The following RAD51B variants were observed in gnomAD, a reference collection of about 807,000 sequenced individuals.
The protein encoded by RAD51B is RAD51 paralog B, also known as DNA repair protein RAD51 homolog 2.
RAD51B carries 38 observed loss-of-function variants against 42.2 expected under a neutral mutation model. The ratio of observed to expected loss-of-function variants is 0.90; its 90% CI spans 0.70 to 1.18. The LOEUF (loss-of-function observed/expected upper bound fraction) is 1.18, where lower values mean the gene tolerates loss of function less well. Ranked by LOEUF, RAD51B falls within the 50% of genes most tolerant of loss-of-function variation. The pLI is 0.00. For missense variants in RAD51B, 373 were observed against 400.7 expected (o/e 0.93, Z 0.59); for synonymous variants, 154 against 145.2 (o/e 1.06, Z -0.43).
At chr14:68,558,920 G>A (rs1184197267) in intron 10 of RAD51B, among the ~76,000 whole-genome samples, 1 of 152,012 alleles carries the variant, frequency 6.6e-6, no homozygotes, top group African/African-American at 2.4e-5. Flanking sequence ...GAATCCTTGG[G>A]TGACTCCGTA....
intron 10 of RAD51B, among the ~76,000 whole-genome samples, chr14:68,574,838 G>C (rs1284771498): frequency 1.3e-5 from 2 of 152,180 alleles, no homozygotes; most frequent in Non-Finnish European, 2.9e-5. Context: ...TCAGAGAAGG[G>C]GGAAAGCCTG....
chr14:68,535,880 A>G (rs1317363404), intron 10 of RAD51B, among the ~76,000 whole-genome samples: 1 of 152,182 alleles, frequency 6.6e-6, no homozygotes, highest in South Asian at 2.1e-4. Context: ...ACCAGAGATC[A>G]GGACCCACAG....
At position 68,270,699 on chromosome 14, in the gene RAD51B, A is replaced by C. The variant is rs1250523517; in HGVS notation, c.757-21185A>C. On this transcript the variant is annotated intron_variant, in intron 7 of 10. Transcript: ENST00000471583. ...GGAAACGCCACTGACTTTGGGAGCT[A>C]ATTCTTGATAGGTAAAATATTTAGC... 6.6e-5 allele frequency among the ~76,000 whole-genome samples: 10 copies of C among 152,212 alleles called. 1 individual carries two copies. The highest frequency in any genetic ancestry group is 3.9e-4 in the Admixed American group (6 of 15,290).
intron 10 of RAD51B, chr14:68,470,860 G>A (rs745518151): frequency 2.5e-5 from 9 of 364,204 alleles, no homozygotes; most frequent in Non-Finnish European, 4.1e-5. Context: ...GATCCTCCTA[G>A]GAGAGGATGT....
chr14:68,145,544 C>T (rs1005169146), intron 7 of RAD51B, among the ~76,000 whole-genome samples: 10 of 152,112 alleles, frequency 6.6e-5, no homozygotes, highest in Admixed American at 5.2e-4. Flanking sequence ...ATCTGCTGTT[C>T]ACAGAAAAAT....
At chr14:68,185,433 A>G (rs1741758140) in intron 7 of RAD51B, among the ~76,000 whole-genome samples, 1 of 152,216 alleles carries the variant, frequency 6.6e-6, no homozygotes, top group African/African-American at 2.4e-5. Flanking sequence ...TATTTGTCGC[A>G]AAGACAATAA....
At chr14:68,664,714 G>A (rs1036285295) in intron 11 of RAD51B, among the ~76,000 whole-genome samples, 2 of 152,098 alleles carry the variant, frequency 1.3e-5, no homozygotes, top group African/African-American at 4.8e-5. Flanking sequence ...GTGCTTATTT[G>A]CTGCTCCAAC....
At chr14:68,527,941 A>C (rs895630059) in intron 10 of RAD51B, among the ~76,000 whole-genome samples, 1 of 152,244 alleles carries the variant, frequency 6.6e-6, no homozygotes, top group Non-Finnish European at 1.5e-5. Context: ...TACTCTTTCA[A>C]ATTTTCCAAA....
At chr14:68,029,735 T>C (rs1202240422) in intron 7 of RAD51B, among the ~76,000 whole-genome samples, 5 of 152,238 alleles carry the variant, frequency 3.3e-5, no homozygotes, top group Non-Finnish European at 7.3e-5. Context: ...GAATAGCATC[T>C]AGAATGGTGA....
intron 8 of RAD51B, among the ~76,000 whole-genome samples, chr14:68,367,641 A>G (rs572592317): frequency 2.0e-5 from 3 of 152,226 alleles, no homozygotes; most frequent in Non-Finnish European, 4.4e-5. Flanking sequence ...TCGACAGCAC[A>G]GGAAAATAAA....
At chr14:68,327,441 CCTT>C (rs914407906) in intron 8 of RAD51B, among the ~76,000 whole-genome samples, 3 of 150,100 alleles carry the variant, frequency 2.0e-5, no homozygotes, top group African/African-American at 7.4e-5. Flanking sequence ...ACTGCTTTCT[CCTT>C]CTACGCTTAG....
At chr14:67,919,892 G>C (rs2877369) in intron 7 of RAD51B, among the ~76,000 whole-genome samples, 41,889 of 152,074 alleles carry the variant, frequency 0.28, 7,530 homozygotes, top group African/African-American at 0.51. Flanking sequence ...AACTGGCAAA[G>C]CAAGAGCTTG....
intron 8 of RAD51B, among the ~76,000 whole-genome samples, chr14:68,323,547 T>A (rs1435172452): frequency 6.6e-6 from 1 of 152,094 alleles, no homozygotes; most frequent in Non-Finnish European, 1.5e-5. Flanking sequence ...ATCCTAACAC[T>A]TTGAGAGGCC....
intron 7 of RAD51B, among the ~76,000 whole-genome samples, chr14:67,918,491 T>G (rs1393668492): frequency 6.6e-6 from 1 of 152,164 alleles, no homozygotes; most frequent in Non-Finnish European, 1.5e-5. Context: ...TGCCTCGGCC[T>G]CCCAAAATGC....
chr14:68,537,498 CA>C (rs34728022), intron 10 of RAD51B, among the ~76,000 whole-genome samples: 26 of 145,634 alleles, frequency 1.8e-4, no homozygotes, highest in Non-Finnish European at 1.7e-4. Flanking sequence ...GATTTCGTCT[CA>C]AAAAAAAAAA....
At chr14:68,366,179 A>G (rs1364480741) in intron 8 of RAD51B, among the ~76,000 whole-genome samples, 5 of 152,236 alleles carry the variant, frequency 3.3e-5, no homozygotes, top group African/African-American at 1.2e-4. Flanking sequence ...GAAATAAATT[A>G]ACATGTTGCC....
chr14:68,515,641 C>A (rs2140320624), intron 10 of RAD51B, among the ~76,000 whole-genome samples: 1 of 150,632 alleles, frequency 6.6e-6, no homozygotes, highest in African/African-American at 2.4e-5. Context: ...GAGATGGGGT[C>A]TCGCTATGTT....
At chr14:67,847,589 G>A (rs2041663858) in intron 4 of RAD51B, among the ~76,000 whole-genome samples, 1 of 152,084 alleles carries the variant, frequency 6.6e-6, no homozygotes, top group Non-Finnish European at 1.5e-5. Context: ...GCGTAGTTTT[G>A]AGAGATCTTC....
chr14:67,835,183 G>A lies in RAD51B; in HGVS notation c.302G>A (p.Gly101Glu). The A allele has an allele frequency of 6.2e-7, 1 of 1,613,210 alleles. No homozygotes were observed. The highest frequency in any genetic ancestry group is 1.3e-5 in the African/African-American group (1 of 74,982). Residue 101 changes from glycine (G) to glutamate (E), a missense_variant, in exon 4 of 11, where the codon GGA (glycine) becomes GAA (glutamate). Physicochemically the swap from Gly to Glu is moderately conservative, Grantham distance 98. Coordinates refer to ENST00000471583, the MANE Select transcript of RAD51B (RefSeq NM_133510.4). ...DEALHGGVAC[G>E]SLTEITGPPG... ...GCCCTGCATGGTGGTGTGGCTTGTG[G>A]ATCCCTCACAGAGGTAAAGGAAAAA...
Sources: gnomAD v4.1 joint callset for allele counts (sites outside exome capture counted in the v4.1 genomes callset) on GRCh38, gnomAD v4.1.1 for gene constraint, MANE v1.5 for transcripts, NCBI Gene and HGNC (gene_info 2026-07-23, HGNC 2026-07-21) for gene names.